Variants in DLGAP1 observed in about 807,000 individuals in gnomAD.
The protein encoded by DLGAP1 is DLG associated protein 1.
Under a neutral mutation model 90.8 loss-of-function variants are expected in DLGAP1, and 11 were observed. The observed-to-expected ratio is 0.12, with a 90% CI of 0.08 to 0.20. The LOEUF (loss-of-function observed/expected upper bound fraction) is 0.20, where lower values mean the gene tolerates loss of function less well. Ranked by LOEUF, DLGAP1 falls within the 10% of genes least tolerant of loss-of-function variation. The probability of loss-of-function intolerance (pLI) is 1.00; values close to 1 mark genes in which losing one functional copy is unlikely to be tolerated. For missense variants in DLGAP1, 1,050 were observed against 1,333.8 expected (o/e 0.79, Z 3.31); for synonymous variants, 558 against 540.7 (o/e 1.03, Z -0.44).
chr18:3,766,354 G>T (rs904750575), intron 5 of DLGAP1, among the ~76,000 whole-genome samples: 1 of 152,090 alleles, frequency 6.6e-6, no homozygotes, highest in Admixed American at 6.6e-5. Context: ...ACTGAAAGGA[G>T]AAATAGAAAA....
chr18:4,053,329 G>C (rs1401749207), intron 2 of DLGAP1, among the ~76,000 whole-genome samples: 1 of 152,172 alleles, frequency 6.6e-6, no homozygotes, highest in Admixed American at 6.5e-5. Context: ...GAAGTGCAGA[G>C]TGAAGGGGGC....
chr18:4,038,934 T>C (rs2074931765), intron 2 of DLGAP1, among the ~76,000 whole-genome samples: 1 of 152,056 alleles, frequency 6.6e-6, no homozygotes. Context: ...CTGAAATCCA[T>C]TCCACTAAGT....
At chr18:4,204,318 G>T (rs1458792962) in intron 1 of DLGAP1, among the ~76,000 whole-genome samples, 1 of 152,178 alleles carries the variant, frequency 6.6e-6, no homozygotes, top group Non-Finnish European at 1.5e-5. Context: ...AGGACAAGAA[G>T]GTTGTTATTC....
At chr18:3,506,285 G>A (rs538311522) in intron 11 of DLGAP1, among the ~76,000 whole-genome samples, 14 of 150,684 alleles carry the variant, frequency 9.3e-5, no homozygotes, top group East Asian at 2.0e-4. Flanking sequence ...TGGCCGAGGC[G>A]GGCAGATCAC....
In DLGAP1 at chr18:3,814,072, G is replaced by A; in HGVS notation, c.1159C>T (p.Leu387Phe). 2.5e-6 allele frequency: 4 copies of A among 1,614,076 alleles called. No homozygotes were observed. Among genetic ancestry groups the A allele is most frequent in the Non-Finnish European group, 3.4e-6 (4 of 1,179,994 alleles). Residue 387 changes from leucine to phenylalanine, a missense_variant, in exon 5 of 13, where the codon CTC becomes TTC. By Grantham distance (22) the Leu-to-Phe change is conservative. This residue lies in a region of DLGAP1 where 565 missense variants were observed against 879.7 expected (regional missense o/e 0.64). Transcript: ENST00000315677. ...AGGACTACTCACTTGAGTGTGGTGA[G>A]TTCTGTAAGGGATGGCTGAGTAGCC... ...LKATQPSLTE[L>F]TTLKISNEHS...
intron 2 of DLGAP1, among the ~76,000 whole-genome samples, chr18:4,146,673 C>A (rs961835740): frequency 6.6e-6 from 1 of 151,930 alleles, no homozygotes; most frequent in Non-Finnish European, 1.5e-5. Flanking sequence ...CAAACCACAA[C>A]ATAAAATGAA....
chr18:3,676,070 T>C (rs958257093), intron 7 of DLGAP1, among the ~76,000 whole-genome samples: 1 of 152,230 alleles, frequency 6.6e-6, no homozygotes, highest in Non-Finnish European at 1.5e-5. Flanking sequence ...TTTTCCTTTC[T>C]AACAAACAGC....
At chr18:4,399,989 T>TA (rs903217788) in intron 1 of DLGAP1, among the ~76,000 whole-genome samples, 3 of 151,578 alleles carry the variant, frequency 2.0e-5, no homozygotes, top group Admixed American at 6.6e-5. Context: ...AAGCCCTAAA[T>TA]AAAAAAAAGT....
intron 5 of DLGAP1, among the ~76,000 whole-genome samples, chr18:3,805,186 C>T (rs1321529278): frequency 2.0e-5 from 3 of 152,220 alleles, no homozygotes; most frequent in Non-Finnish European, 4.4e-5. Flanking sequence ...ATACACTGCA[C>T]CTTCTCGAAT....
At chr18:4,107,905 T>C (rs2075898473) in intron 2 of DLGAP1, among the ~76,000 whole-genome samples, 2 of 152,120 alleles carry the variant, frequency 1.3e-5, no homozygotes, top group African/African-American at 4.8e-5. Flanking sequence ...AAAATCTTGG[T>C]TTTTGTTTAT....
At chr18:4,082,772 C>A (rs185113499) in intron 2 of DLGAP1, among the ~76,000 whole-genome samples, 1 of 81,364 alleles carries the variant, frequency 1.2e-5, no homozygotes, top group East Asian at 4.0e-4. Flanking sequence ...ATTCAGGCAA[C>A]TGGTGTCAGA....
intron 7 of DLGAP1, chr18:3,656,186 G>C (rs908392108): frequency 7.7e-7 from 1 of 1,290,496 alleles, no homozygotes; most frequent in South Asian, 1.4e-5. Flanking sequence ...CATAACACAC[G>C]CATGCTTCAG....
At chr18:3,587,213 C>A (rs2055938709) in intron 7 of DLGAP1, among the ~76,000 whole-genome samples, 1 of 152,130 alleles carries the variant, frequency 6.6e-6, no homozygotes, top group Non-Finnish European at 1.5e-5. Flanking sequence ...CGCCACCATG[C>A]CTGGCTAATT....
chr18:3,762,281 A>C (rs1195544879), intron 5 of DLGAP1, among the ~76,000 whole-genome samples: 2 of 152,234 alleles, frequency 1.3e-5, no homozygotes, highest in Non-Finnish European at 2.9e-5. Flanking sequence ...CAACAGTATC[A>C]GTTTATGAAC....
At chr18:4,087,096 T>TACATATATACAC (rs1467334325) in intron 2 of DLGAP1, among the ~76,000 whole-genome samples, 1 of 95,012 alleles carries the variant, frequency 1.1e-5, no homozygotes, top group Admixed American at 9.2e-5. Flanking sequence ...TATATATGTA[T>TACATATATACAC]ATATGTGCTA....
intron 7 of DLGAP1, among the ~76,000 whole-genome samples, chr18:3,683,773 G>T (rs954551432): frequency 3.3e-5 from 5 of 152,196 alleles, no homozygotes; most frequent in Non-Finnish European, 7.3e-5. Flanking sequence ...GTTGAGAAAT[G>T]ATGGTAAGAA....
intron 1 of DLGAP1, among the ~76,000 whole-genome samples, chr18:4,195,233 T>C (rs2077474653): frequency 6.6e-6 from 1 of 152,216 alleles, no homozygotes; most frequent in South Asian, 2.1e-4. Context: ...GCCATTCCCA[T>C]TCAAGATTCA....
intron 1 of DLGAP1, among the ~76,000 whole-genome samples, chr18:4,285,856 C>T (rs967102711): frequency 2.0e-5 from 3 of 152,166 alleles, no homozygotes; most frequent in Admixed American, 6.6e-5. Flanking sequence ...GTCTTGTCTA[C>T]CTGTTAACCC....
chr18:4,153,470 T>G (rs1009833360), intron 1 of DLGAP1, among the ~76,000 whole-genome samples: 1 of 152,200 alleles, frequency 6.6e-6, no homozygotes, highest in East Asian at 1.9e-4. Context: ...AACTCCTGAT[T>G]CTCCATTTTC....
Sources: gnomAD v4.1 joint callset for allele counts (sites outside exome capture counted in the v4.1 genomes callset) on GRCh38, gnomAD v4.1.1 for gene constraint, gnomAD v4.1.1 regional missense constraint, MANE v1.5 for transcripts, NCBI Gene and HGNC (gene_info 2026-07-23, HGNC 2026-07-21) for gene names.